The following FBN1 variants were observed in gnomAD, a reference collection of about 807,000 sequenced individuals.
FBN1 encodes fibrillin 1.
A neutral mutation model predicts 365.1 loss-of-function variants in FBN1; 29 were observed. The ratio of observed to expected loss-of-function variants is 0.08; its 90% CI spans 0.06 to 0.11. The LOEUF is 0.11. Ranked by LOEUF, FBN1 falls within the 10% of genes least tolerant of loss-of-function variation. The pLI is 1.00. For synonymous variants in FBN1, 1,210 were observed against 1,270.5 expected, an observed-to-expected ratio of 0.95 and a Z score of 1.01; for missense variants, 2,476 against 3,703.2, an observed-to-expected ratio of 0.67 and a Z score of 8.60.
At chr15:48,487,746 G>A (rs2043521198) in intron 27 of FBN1, among the ~76,000 whole-genome samples, 1 of 152,158 alleles carries the variant, frequency 6.6e-6, no homozygotes, top group Admixed American at 6.5e-5. Flanking sequence ...TTCAAACTTT[G>A]TTTCTAGGAA....
Position 48,526,242 on chromosome 15 carries a change from G to A in FBN1, c.876C>T (p.Cys292=), listed in dbSNP as rs1286340387. 1.9e-6 allele frequency: 3 copies of A among 1,613,842 alleles called. No homozygotes were observed. Among genetic ancestry groups the A allele is most frequent in the Non-Finnish European group, 2.5e-6 (3 of 1,179,932 alleles). Residue 292 remains cysteine (C), a synonymous_variant, in exon 9 of 66, where the codon TGC becomes TGT. Coordinates refer to ENST00000316623, the MANE Select transcript of FBN1 (RefSeq NM_000138.5). Reference sequence around the variant, plus strand: ...CTTCACAGATTCCAGGAATGGTGCTGCATTCATCAATATCTGGAATATAAA... The same window carrying A: ...CTTCACAGATTCCAGGAATGGTGCTACATTCATCAATATCTGGAATATAAA... ...VSQKCEDIDE[C]STIPGICEGG...
chr15:48,463,821 A>G, intron 41 of FBN1, 78 bp downstream of exon 41: 2 of 1,401,102 alleles, frequency 1.4e-6, no homozygotes, highest in Non-Finnish European at 2.0e-6. Context: ...CATCACCCTA[A>G]GGTGATGAAC....
At chr15:48,470,812 C>A in intron 35 of FBN1, 56 bp from the exon 36 acceptor site, 1 of 1,568,948 alleles carries the variant, frequency 6.4e-7, no homozygotes, top group South Asian at 1.2e-5. Context: ...CTAAAAAAAA[C>A]CTGCCAAATA....
Position 48,432,873 on chromosome 15 carries a change from C to T in FBN1, c.6732G>A (p.Met2244Ile), listed in dbSNP as rs780960909. Residue 2244 changes from methionine (M) to isoleucine (I), a missense_variant, in exon 55 of 66, where the codon ATG (methionine) becomes ATA (isoleucine). Physicochemically the swap from Met to Ile is conservative, Grantham distance 10 (BLOSUM62 1). Around this residue, in one of 5 missense-constraint regions of FBN1, gnomAD observed 1,780 missense variants for 2,840.8 expected, o/e 0.63. Transcript: ENST00000316623. ...VGYVLREDRR[M>I]CKDEDECEEG... Reference sequence around the variant, plus strand: ...TTGAACACGATGACTCACCTTTGCACATCCTACGGTCTTCTCTGAGCACAT... The same window carrying T: ...TTGAACACGATGACTCACCTTTGCATATCCTACGGTCTTCTCTGAGCACAT... 9 of 1,613,536 alleles carry T rather than the reference C, an allele frequency of 5.6e-6. No homozygotes were observed. In the Admixed American group the frequency reaches 1.5e-4, roughly 27 times the overall value.
At chr15:48,502,755 G>C (rs1168515499) in intron 17 of FBN1, among the ~76,000 whole-genome samples, 1 of 152,182 alleles carries the variant, frequency 6.6e-6, no homozygotes, top group Non-Finnish European at 1.5e-5. Flanking sequence ...AGGATAGCTT[G>C]TCTGCATTAT....
intron 2 of FBN1, among the ~76,000 whole-genome samples, chr15:48,630,624 A>AT (rs1566942032): frequency 6.7e-6 from 1 of 149,074 alleles, no homozygotes; most frequent in African/African-American, 2.5e-5. Flanking sequence ...TTTGAGGTTT[A>AT]TTTTTTTCCC....
intron 2 of FBN1, among the ~76,000 whole-genome samples, chr15:48,632,289 A>T (rs1280853288): frequency 6.6e-6 from 1 of 152,156 alleles, no homozygotes; most frequent in African/African-American, 2.4e-5. Context: ...GATAGGTATG[A>T]TTATCTAGAT....
At chr15:48,588,013 C>G (rs2044449998) in intron 6 of FBN1, among the ~76,000 whole-genome samples, 1 of 151,936 alleles carries the variant, frequency 6.6e-6, no homozygotes, top group African/African-American at 2.4e-5. Context: ...GCTGGAGAAG[C>G]AGCAGAAGGA....
At chr15:48,520,284 A>G (rs1482457609) in intron 10 of FBN1, among the ~76,000 whole-genome samples, 1 of 152,096 alleles carries the variant, frequency 6.6e-6, no homozygotes, top group Admixed American at 6.6e-5. Flanking sequence ...GTCCAATGTT[A>G]GGAAAAAGGA....
intron 6 of FBN1, among the ~76,000 whole-genome samples, chr15:48,543,917 A>T (rs2044076959): frequency 6.6e-6 from 1 of 151,976 alleles, no homozygotes; most frequent in African/African-American, 2.4e-5. Context: ...CAAATAATTC[A>T]GCAATGTAAA....
chr15:48,596,736 C>G (rs1302963517), intron 5 of FBN1, among the ~76,000 whole-genome samples: 1 of 152,234 alleles, frequency 6.6e-6, no homozygotes, highest in South Asian at 2.1e-4. Flanking sequence ...TGCAACAGGG[C>G]TCCCATGAGG....
intron 23 of FBN1, among the ~76,000 whole-genome samples, chr15:48,493,636 GA>G (rs1484758091): frequency 1.3e-5 from 2 of 152,210 alleles, no homozygotes; most frequent in East Asian, 3.9e-4. Context: ...TTTTAACAGG[GA>G]AAAAACTTCA....
intron 41 of FBN1, 75 bp downstream of exon 41, chr15:48,463,824 T>C (rs1597545760): frequency 6.8e-7 from 1 of 1,481,018 alleles, no homozygotes; most frequent in East Asian, 2.5e-5. Flanking sequence ...CACCCTAAGG[T>C]GATGAACTTG....
At chr15:48,596,262 A>G (rs1228302652) in intron 6 of FBN1, 21 bp downstream of exon 6, 1 of 1,608,814 alleles carries the variant, frequency 6.2e-7, no homozygotes, top group Non-Finnish European at 8.5e-7. Flanking sequence ...TCTTTACGTA[A>G]ATGATTTTAA....
rs151180372 is a variant in FBN1, at chr15:48,464,002, A to G, written c.4962T>C (p.Thr1654=). The G allele has an allele frequency of 6.8e-6, 11 of 1,613,870 alleles. No individual in the cohort carries two copies. Among genetic ancestry groups the G allele is most frequent in the Non-Finnish European group, 8.5e-6 (10 of 1,179,756 alleles). ...ATGTCCCTGGACCACAGATTCCAGG[A>G]GTCTCACATTCATTCACATCTATAA... ...RVCDDVNECE[T]PGICGPGTCY... is the part of the protein sequence containing the mutation. Residue 1654 remains threonine, a synonymous_variant, in exon 41 of 66, where the codon ACT becomes ACC. Coordinates refer to ENST00000316623, the MANE Select transcript of FBN1 (RefSeq NM_000138.5).
intron 63 of FBN1, among the ~76,000 whole-genome samples, chr15:48,420,087 A>G (rs2042928220): frequency 6.6e-6 from 1 of 152,234 alleles, no homozygotes; most frequent in African/African-American, 2.4e-5. Flanking sequence ...ATGTGCATTA[A>G]GAGTTATTTT....
chr15:48,498,047 G>A (rs926896083), intron 18 of FBN1, among the ~76,000 whole-genome samples: 1 of 150,892 alleles, frequency 6.6e-6, no homozygotes, highest in African/African-American at 2.5e-5. Context: ...CACCTGAGGT[G>A]GGGCCCTCCC....
At chr15:48,645,011 C>T (rs1566944992) in intron 1 of FBN1, 61 bp from the exon 2 acceptor site, 1 of 327,804 alleles carries the variant, frequency 3.1e-6, no homozygotes. Flanking sequence ...GATGCTGAAG[C>T]CTCGCGGTCC....
chr15:48,453,238 A>C (rs1442394545), intron 44 of FBN1, among the ~76,000 whole-genome samples: 1 of 151,516 alleles, frequency 6.6e-6, no homozygotes, highest in African/African-American at 2.4e-5. Flanking sequence ...CCTGGGCAAC[A>C]AGTGCAAAAC....
Sources: gnomAD v4.1 joint callset for allele counts (sites outside exome capture counted in the v4.1 genomes callset) on GRCh38, gnomAD v4.1.1 for gene constraint, gnomAD v4.1.1 regional missense constraint, MANE v1.5 for transcripts, NCBI Gene and HGNC (gene_info 2026-07-23, HGNC 2026-07-21) for gene names.